The following GRINA variants were observed in gnomAD, a reference collection of about 807,000 sequenced individuals.
GRINA encodes the protein glutamate ionotropic receptor NMDA type subunit associated protein 1.
Under a neutral mutation model 42.5 loss-of-function variants are expected in GRINA, and 26 were observed. The observed-to-expected ratio is 0.61, with a 90% CI of 0.45 to 0.85. The LOEUF is 0.85. GRINA is among the 40% of genes least tolerant of loss of function. The pLI is 0.00. For synonymous variants in GRINA, 256 were observed against 204.2 expected (o/e 1.25, Z -2.17); for missense variants, 475 against 481.5 (o/e 0.99, Z 0.13).
chr8:143,991,007 C>T (rs974784090), intron 1 of GRINA, 193 bp from the exon 2 acceptor site: 4 of 406,358 alleles, frequency 9.8e-6, no homozygotes, highest in Non-Finnish European at 1.8e-5. Context: ...GGGAAGGCCC[C>T]ACGGCGCCGC....
Position 143,992,905 on chromosome 8 carries a change from G to A in GRINA, c.*64G>A, listed in dbSNP as rs563572711. 4.9e-4 allele frequency: 701 copies of A among 1,416,478 alleles called. 5 individuals carry two copies. The highest frequency in any genetic ancestry group is 3.7e-3 in the Middle Eastern group (21 of 5,624). 87.7% of individuals were successfully genotyped at this position (1,416,478 alleles called of 1,614,324 possible). A position where few individuals can be genotyped will look rare whatever the true frequency, so the allele number is the denominator to read the frequency against. The stretch of plus-strand genomic sequence containing the variant: ...CTGGCCTGGACCCTGCCCCTGGCAC[G>A]GCAGTGCCAGCTGTACTTCCCCTCT... On this transcript the variant is annotated 3_prime_UTR_variant, in exon 7 of 7. Transcript: ENST00000395068.
Position 143,993,163 on chromosome 8 carries a change from C to T in GRINA, c.*322C>T, listed in dbSNP as rs1232403352. On this transcript the variant is annotated 3_prime_UTR_variant, in exon 7 of 7. Coordinates refer to ENST00000395068, the MANE Select transcript of GRINA (RefSeq NM_001009184.2). ...AGGGACTGGGGGCAGCACCAGGTCC[C>T]GGGGAGAGGGATTGAGCCAAGAGGT... 4 of 342,078 alleles carry T rather than the reference C, an allele frequency of 1.2e-5. No individual in the cohort carries two copies. The highest frequency in any genetic ancestry group is 2.2e-5 in the Non-Finnish European group (4 of 180,980). The allele number at this position is 342,078 out of a possible 1,614,324, so 21.2% of individuals were successfully genotyped here.
At chr8:143,991,174 C>T (rs782275014) in intron 1 of GRINA, 26 bp from the exon 2 acceptor site, 4 of 1,396,242 alleles carry the variant, frequency 2.9e-6, no homozygotes, top group Middle Eastern at 1.9e-4. Flanking sequence ...CCAACTGTTC[C>T]ACTGTTCCTT....
rs1310697764 is a variant in GRINA at position 143,992,001 on chromosome 8, GTCT to G, written c.622_624del (p.Phe208del). 1 of 1,613,858 alleles carries G rather than the reference GTCT, an allele frequency of 6.2e-7. No individual in the cohort carries two copies. The highest frequency in any genetic ancestry group is 1.7e-5 in the Admixed American group (1 of 60,024). On this transcript the variant is annotated inframe_deletion, in exon 4 of 7. Transcript: ENST00000395068. ...CTGGACCTACTATGTCTCCTATGCT[GTCT>G]TCTTCATCTCTCTCATCGTCCTCAG...
In GRINA at chr8:143,992,841, G is replaced by A. The variant is rs1228018387; in HGVS notation, c.1116G>A (p.Ter372=). 5.0e-6 allele frequency: 8 copies of A among 1,612,808 alleles called. No individual in the cohort carries two copies. Among genetic ancestry groups the A allele is most frequent in the Non-Finnish European group, 6.8e-6 (8 of 1,179,602 alleles). Reference sequence around the variant, plus strand: ...CCATCATTGGCCGCGCCAAGGAGTAGCCGAGCTCCAGCTCGCTGTGCCCGC... The same window carrying A: ...CCATCATTGGCCGCGCCAAGGAGTAACCGAGCTCCAGCTCGCTGTGCCCGC... ...ILTIIGRAKE[*] is the part of the protein sequence containing the mutation. Residue 372 remains the stop codon, a stop_retained_variant, in exon 7 of 7, where the codon TAG becomes TAA. Coordinates refer to ENST00000395068, the MANE Select transcript of GRINA (RefSeq NM_001009184.2).
chr8:143,992,242 C>A lies in GRINA; in HGVS notation c.694-3C>A. The A allele has an allele frequency of 6.2e-7, 1 of 1,603,948 alleles. No homozygotes were observed. On this transcript the variant is annotated splice_region_variant and splice_polypyrimidine_tract_variant and intron_variant, in intron 4 of 6. Coordinates refer to ENST00000395068, the MANE Select transcript of GRINA (RefSeq NM_001009184.2). ...AAGGTCAGCCTGTGTCTCCCAACTG[C>A]AGTCGGTCCTGACCGCCAGCCTGTC...
rs781791096 is a variant in GRINA, at chr8:143,992,225, C to T, written c.694-20C>T. ...CATGGGGGCACACACCCAAGGTCAG[C>T]CTGTGTCTCCCAACTGCAGTCGGTC... On this transcript the variant is annotated intron_variant, in intron 4 of 6. Transcript: ENST00000395068. The T allele has an allele frequency of 2.5e-6, 4 of 1,603,510 alleles. No individual in the cohort carries two copies. Among genetic ancestry groups the T allele is most frequent in the Admixed American group, 1.7e-5 (1 of 59,286 alleles).
chr8:143,992,698 G>A lies in GRINA; in HGVS notation c.973G>A (p.Ala325Thr), dbSNP rs1554750778. Residue 325 changes from alanine (A) to threonine (T), a missense_variant, in exon 7 of 7, where the codon GCA becomes ACA. Around this residue, in one of 2 missense-constraint regions of GRINA, gnomAD observed 154 missense variants for 214.2 expected, o/e 0.72. Transcript: ENST00000395068. ...LGALLFTCFL[A>T]VDTQLLLGNK... is the part of the protein sequence containing the mutation. The stretch of plus-strand genomic sequence containing the variant: ...ACTGTGCTGTCACCTCCAGTTCCTC[G>A]CAGTGGACACCCAGCTGCTACTGGG... 3.1e-6 allele frequency: 5 copies of A among 1,613,944 alleles called. No individual in the cohort carries two copies. Among genetic ancestry groups the A allele is most frequent in the Admixed American group, 1.7e-5 (1 of 60,014 alleles).
Position 143,992,350 on chromosome 8 carries a change from A to G in GRINA, c.799A>G (p.Thr267Ala), listed in dbSNP as rs939861519. Reference sequence around the variant, plus strand: ...GGGCATCACCACAGCCGTCTGCTTCACCGTCGTCATCTTCTCCATGCAGGT... The same window carrying G: ...GGGCATCACCACAGCCGTCTGCTTCGCCGTCGTCATCTTCTCCATGCAGGT... The part of the protein sequence containing the change: ...AVGITTAVCF[T>A]VVIFSMQTRY... Residue 267 changes from threonine to alanine, a missense_variant, in exon 5 of 7, where the codon ACC becomes GCC. Thr to Ala is a moderately conservative substitution (Grantham distance 58). Around this residue, in one of 2 missense-constraint regions of GRINA, gnomAD observed 154 missense variants for 214.2 expected, o/e 0.72. Coordinates refer to ENST00000395068, the MANE Select transcript of GRINA (RefSeq NM_001009184.2). 2.5e-6 allele frequency: 4 copies of G among 1,595,114 alleles called. No individual in the cohort carries two copies. Among genetic ancestry groups the G allele is most frequent in the Non-Finnish European group, 3.4e-6 (4 of 1,168,326 alleles).
rs781986280 is a variant in GRINA, at chr8:143,991,683, G to C, written c.380-9G>C. 2 of 1,606,360 alleles carry C rather than the reference G, an allele frequency of 1.2e-6. No individual in the cohort carries two copies. The highest frequency in any genetic ancestry group is 1.7e-6 in the Non-Finnish European group (2 of 1,173,166). On this transcript the variant is annotated splice_polypyrimidine_tract_variant and intron_variant, in intron 2 of 6. Transcript: ENST00000395068. ...TGAGTGGCGCTGACCCAGCCTGTCT[G>C]CTTCTCAGCACCCCAGCATGGAAAC... is the stretch of plus-strand genomic sequence containing the variant.
chr8:143,993,003 T>C lies in GRINA; in HGVS notation c.*162T>C. Reference sequence around the variant, plus strand: ...CCTCCTGTATGTACACTGCAGATACTTCCATTTGGACCCGCTGTGGCCACA... The same window carrying C: ...CCTCCTGTATGTACACTGCAGATACCTCCATTTGGACCCGCTGTGGCCACA... On this transcript the variant is annotated 3_prime_UTR_variant, in exon 7 of 7. Transcript: ENST00000395068. 1 of 631,416 alleles carries C rather than the reference T, an allele frequency of 1.6e-6. No individual in the cohort carries two copies. The highest frequency in any genetic ancestry group is 2.7e-6 in the Non-Finnish European group (1 of 365,986). 39.1% of individuals were successfully genotyped at this position (631,416 alleles called of 1,614,324 possible). A position where few individuals can be genotyped will look rare whatever the true frequency, so the allele number is the denominator to read the frequency against.
chr8:143,992,117 C>T, intron 4 of GRINA, 39 bp downstream of exon 4: 7 of 1,603,996 alleles, frequency 4.4e-6, no homozygotes, highest in Non-Finnish European at 6.0e-6. Context: ...TGGGTCCGGC[C>T]ATGCAGTCCC....
rs1290064118 is a variant in GRINA, at chr8:143,990,095, C to T, written c.-129C>T. 6.6e-6 allele frequency: 1 copy of T among 151,402 alleles called. No homozygotes were observed. 9.4% of individuals were successfully genotyped at this position (151,402 alleles called of 1,614,324 possible). A position where few individuals can be genotyped will look rare whatever the true frequency, so the allele number is the denominator to read the frequency against. The stretch of plus-strand genomic sequence containing the variant: ...CGTCTTCCGAGCCGCAGGCGCAGGC[C>T]CAGCTGAGCGGCCGCCGAGCGGGTG... On this transcript the variant is annotated 5_prime_UTR_variant, in exon 1 of 7. Coordinates refer to ENST00000395068, the MANE Select transcript of GRINA (RefSeq NM_001009184.2). This position sits in a 1 kb window ranked among gnomAD's most constrained non-coding sequence, Gnocchi z 5.6.
At position 143,992,363 on chromosome 8, in the gene GRINA, T is replaced by C; in HGVS notation, c.812T>C (p.Phe271Ser). 6.2e-7 allele frequency: 1 copy of C among 1,601,434 alleles called. No individual in the cohort carries two copies. The highest frequency in any genetic ancestry group is 8.5e-7 in the Non-Finnish European group (1 of 1,171,722). ...GCCGTCTGCTTCACCGTCGTCATCT[T>C]CTCCATGCAGGTGAGGGGCCTCCCG... ...TTAVCFTVVI[F>S]SMQTRYDFTS... Residue 271 changes from phenylalanine to serine, a missense_variant, in exon 5 of 7, where the codon TTC becomes TCC. By Grantham distance (155) the Phe-to-Ser change is radical. Transcript: ENST00000395068.
intron 2 of GRINA, 21 bp downstream of exon 2, chr8:143,991,623 G>A (rs1834098838): frequency 6.2e-7 from 1 of 1,601,926 alleles, no homozygotes; most frequent in Non-Finnish European, 8.5e-7. Flanking sequence ...GGAAGGGAGG[G>A]GTGGGGTGGC....
chr8:143,992,444 C>T (rs1554750703), intron 5 of GRINA, 21 bp from the exon 6 acceptor site: 1 of 1,613,976 alleles, frequency 6.2e-7, no homozygotes. Flanking sequence ...GCCCCATGGC[C>T]CGTTCCTCTC....
rs782305188 is a variant in GRINA at position 143,991,375 on chromosome 8, C to T, written c.152C>T (p.Pro51Leu). ...CCACAGCCCCCTTTCCAGCCCTCCC[C>T]CTACGGTCAGCCAGGGTACCCCCAT... is the stretch of plus-strand genomic sequence containing the variant. ...PYPQPPFQPS[P>L]YGQPGYPHGP... Residue 51 changes from proline to leucine, a missense_variant, in exon 2 of 7, where the codon CCC (proline) becomes CTC (leucine). Around this residue, in one of 2 missense-constraint regions of GRINA, gnomAD observed 321 missense variants for 267.2 expected, o/e 1.20. Coordinates refer to ENST00000395068, the MANE Select transcript of GRINA (RefSeq NM_001009184.2). The T allele has an allele frequency of 2.4e-5, 29 of 1,212,580 alleles. No individual in the cohort carries two copies. Among genetic ancestry groups the T allele is most frequent in the Non-Finnish European group, 3.3e-5 (29 of 869,644 alleles). The allele number at this position is 1,212,580 out of a possible 1,614,324, so 75.1% of individuals were successfully genotyped here.
chr8:143,992,673 A>C lies in GRINA; in HGVS notation c.967-19A>C. 6.2e-7 allele frequency: 1 copy of C among 1,613,848 alleles called. No individual in the cohort carries two copies. ...GCAGGCAGGCTTGTCCCTCAACACC[A>C]CTGTGCTGTCACCTCCAGTTCCTCG... On this transcript the variant is annotated intron_variant, in intron 6 of 6. Transcript: ENST00000395068.
Position 143,990,916 on chromosome 8 carries a change from C to T in GRINA, c.-24-284C>T. The T allele has an allele frequency of 5.0e-6, 1 of 198,070 alleles. No homozygotes were observed. The allele number at this position is 198,070 out of a possible 1,614,324, so 12.3% of individuals were successfully genotyped here. Reference sequence around the variant, plus strand: ...CAGGCCTCCGGTTGCTTGTGAGAAACGACCCAAGCCCCAAATCCCGAGGCT... The same window carrying T: ...CAGGCCTCCGGTTGCTTGTGAGAAATGACCCAAGCCCCAAATCCCGAGGCT... On this transcript the variant is annotated intron_variant, in intron 1 of 6. Coordinates refer to ENST00000395068, the MANE Select transcript of GRINA (RefSeq NM_001009184.2). This position sits in a 1 kb window ranked among gnomAD's most constrained non-coding sequence, Gnocchi z 5.6.
Sources: allele counts gnomAD v4.1 joint callset, GRCh38; gene constraint gnomAD v4.1.1; regional missense constraint gnomAD v4.1.1; non-coding constraint Gnocchi (gnomAD v3.1); transcripts MANE v1.5; gene names NCBI Gene and HGNC (gene_info 2026-07-23, HGNC 2026-07-21).